The following MAPK10 variants were observed in gnomAD, a reference collection of about 807,000 sequenced individuals.
MAPK10 encodes the protein mitogen-activated protein kinase 10.
A neutral mutation model predicts 59.3 loss-of-function variants in MAPK10; 25 were observed. The observed-to-expected ratio is 0.42, with a 90% CI of 0.31 to 0.59. The LOEUF (loss-of-function observed/expected upper bound fraction) is 0.59. MAPK10 is among the 20% of genes least tolerant of loss of function. The pLI is 0.15. For synonymous variants in MAPK10, 190 were observed against 200.5 expected (o/e 0.95, Z 0.44); for missense variants, 351 against 568.9 (o/e 0.62, Z 3.90).
At chr4:86,499,446 G>C (rs1755134283) in intron 1 of MAPK10, among the ~76,000 whole-genome samples, 1 of 152,080 alleles carries the variant, frequency 6.6e-6, no homozygotes, top group Non-Finnish European at 1.5e-5. Context: ...TGCACTTGTT[G>C]GTTCGGTTAT....
chr4:86,059,550 C>T (rs1273806268), intron 11 of MAPK10, among the ~76,000 whole-genome samples: 1 of 152,120 alleles, frequency 6.6e-6, no homozygotes, highest in Non-Finnish European at 1.5e-5. Flanking sequence ...CCCTGGGAAT[C>T]TGAAGATCAT....
intron 3 of MAPK10, among the ~76,000 whole-genome samples, chr4:86,185,568 T>C (rs575691966): frequency 4.3e-4 from 66 of 152,282 alleles, no homozygotes; most frequent in Non-Finnish European, 8.7e-4. Context: ...TCAATTATTT[T>C]TCAAAGACAA....
At chr4:86,126,107 T>C (rs1462655984) in intron 4 of MAPK10, among the ~76,000 whole-genome samples, 3 of 152,112 alleles carry the variant, frequency 2.0e-5, no homozygotes. Context: ...ACTTTATGAT[T>C]GTCCTCCACT....
At chr4:86,325,714 G>T (rs934525049) in intron 2 of MAPK10, among the ~76,000 whole-genome samples, 2 of 152,104 alleles carry the variant, frequency 1.3e-5, no homozygotes, top group Non-Finnish European at 2.9e-5. Flanking sequence ...ATAGAATATT[G>T]CCCCTTAATT....
At chr4:86,221,777 C>A (rs1288805352) in intron 2 of MAPK10, among the ~76,000 whole-genome samples, 2 of 152,102 alleles carry the variant, frequency 1.3e-5, no homozygotes, top group Non-Finnish European at 2.9e-5. Flanking sequence ...TGCTTACAAG[C>A]GTAAGCCACT....
chr4:86,210,003 CTGCCAAGAACATACAT>C (rs1219430885), intron 2 of MAPK10, among the ~76,000 whole-genome samples: 1 of 152,000 alleles, frequency 6.6e-6, no homozygotes, highest in African/African-American at 2.4e-5. Context: ...TTCAACAAAG[CTGCCAAGAACATACAT>C]TGGGGAAAGA....
At chr4:86,516,315 T>G (rs2149085457) in intron 1 of MAPK10, among the ~76,000 whole-genome samples, 1 of 152,342 alleles carries the variant, frequency 6.6e-6, no homozygotes, top group East Asian at 1.9e-4. Context: ...TCGGGTAATG[T>G]GATGTCTCCA....
rs1384672843 is a variant in MAPK10, at chr4:86,560,193, G to A, written c.-263+33717C>T. Among the ~76,000 whole-genome samples, 9 of 152,080 alleles carry A rather than the reference G, an allele frequency of 5.9e-5. No homozygotes were observed. In the South Asian group the frequency reaches 1.0e-3, roughly 18 times the overall value. On this transcript the variant is annotated intron_variant, in intron 1 of 4. Coordinates refer to the MAPK10 transcript ENST00000502302. ...TTACTTTATATGTAAACATACAAAC[G>A]CACTTTAACGAAAATGACAAGACTT...
At chr4:86,099,859 G>GTATT (rs1483966347) in intron 8 of MAPK10, 1 of 152,084 alleles carries the variant, frequency 6.6e-6, no homozygotes, top group Non-Finnish European at 1.5e-5. Flanking sequence ...ATTAGATGTG[G>GTATT]TATTGCCTAG....
chr4:86,329,922 T>G (rs1038105478), intron 2 of MAPK10, among the ~76,000 whole-genome samples: 3 of 152,204 alleles, frequency 2.0e-5, no homozygotes, highest in Non-Finnish European at 4.4e-5. Context: ...TAGTTCAATC[T>G]TACTGGGATA....
At chr4:86,295,364 T>TC (rs759839539) in intron 2 of MAPK10, among the ~76,000 whole-genome samples, 1 of 152,130 alleles carries the variant, frequency 6.6e-6, no homozygotes, top group Non-Finnish European at 1.5e-5. Flanking sequence ...TGTATTCTCC[T>TC]CCCTACTCCT....
chr4:86,498,383 T>C (rs780757496), intron 1 of MAPK10, among the ~76,000 whole-genome samples: 1 of 152,204 alleles, frequency 6.6e-6, no homozygotes, highest in Non-Finnish European at 1.5e-5. Flanking sequence ...ATCGGTTTGA[T>C]TATTTTATCT....
chr4:86,564,940 T>A lies in MAPK10; in HGVS notation c.-263+28970A>T, dbSNP rs542227150. 2.6e-3 allele frequency among the ~76,000 whole-genome samples: 403 copies of A among 152,238 alleles called. 2 individuals carry two copies. Among genetic ancestry groups the A allele is most frequent in the African/African-American group, 9.4e-3 (392 of 41,548 alleles). On this transcript the variant is annotated intron_variant, in intron 1 of 4. Transcript: ENST00000502302. ...CAAGGGCCTCCCACACTGGAAACTG[T>A]GCTTAATGATTTGGCATCTCGAGAA...
In MAPK10 at chr4:86,054,631, A is replaced by G. The variant is rs138823940; in HGVS notation, c.1110+9635T>C. On this transcript the variant is annotated intron_variant, in intron 11 of 13. Coordinates refer to ENST00000641462, the MANE Select transcript of MAPK10 (RefSeq NM_138982.4). ...TCTTTCTATAATTAAGCACATAATT[A>G]GAGTGCATCAGATTCATATCCATTG... 2.1e-3 allele frequency among the ~76,000 whole-genome samples: 325 copies of G among 152,344 alleles called. 3 individuals are homozygous for G. The highest frequency in any genetic ancestry group is 7.4e-3 in the African/African-American group (308 of 41,586).
intron 2 of MAPK10, among the ~76,000 whole-genome samples, chr4:86,286,418 GATAATA>G (rs1272447076): frequency 6.6e-6 from 1 of 152,042 alleles, no homozygotes; most frequent in Non-Finnish European, 1.5e-5. Context: ...GAATAGTAAT[GATAATA>G]ATAATAATTA....
intron 10 of MAPK10, chr4:86,065,388 C>T (rs1321909514): frequency 6.6e-6 from 1 of 152,150 alleles, no homozygotes; most frequent in Non-Finnish European, 1.5e-5. Flanking sequence ...CTACACCAGA[C>T]ACTAATGAGA....
rs114551051 is a variant in MAPK10, at chr4:86,225,447, G to A, written c.-6-31040C>T. Among the ~76,000 whole-genome samples, 477 of 152,178 alleles carry A rather than the reference G, an allele frequency of 3.1e-3. 3 individuals are homozygous for A. The highest frequency in any genetic ancestry group is 0.01 in the Middle Eastern group (3 of 294). On this transcript the variant is annotated intron_variant, in intron 2 of 13. Transcript: ENST00000641462. ...TGGGCAAGTCCTGTGTGACTCTACC[G>A]AGAGAAGACTCCTGAAAGCTTGTGT... is the stretch of plus-strand genomic sequence containing the variant.
chr4:86,079,558 T>C (rs1297369715), intron 9 of MAPK10: 1 of 152,192 alleles, frequency 6.6e-6, no homozygotes, highest in African/African-American at 2.4e-5. Flanking sequence ...CAGCCTGTGA[T>C]AGTATTTTGA....
intron 1 of MAPK10, among the ~76,000 whole-genome samples, chr4:86,489,511 T>G (rs1222687900): frequency 1.3e-5 from 2 of 152,186 alleles, no homozygotes; most frequent in East Asian, 3.9e-4. Flanking sequence ...ATAAATAAGA[T>G]AGCACACTCA....
Sources: allele counts gnomAD v4.1 joint callset (sites outside exome capture counted in the v4.1 genomes callset), GRCh38; gene constraint gnomAD v4.1.1; transcripts MANE v1.5; gene names NCBI Gene and HGNC (gene_info 2026-07-23, HGNC 2026-07-21).